GMDS: variants seen among roughly 807,000 people sequenced by gnomAD.
GMDS encodes the protein GDP-mannose 4,6-dehydratase.
Under a neutral mutation model 49.9 loss-of-function variants are expected in GMDS, and 20 were observed. The observed-to-expected ratio is 0.40, with a 90% CI of 0.28 to 0.58. The LOEUF (loss-of-function observed/expected upper bound fraction) is 0.58. GMDS is among the 20% of genes least tolerant of loss of function. The pLI is 0.42. For missense variants in GMDS, 362 were observed against 481.4 expected, an observed-to-expected ratio of 0.75 and a Z score of 2.32; for synonymous variants, 177 against 178.6, an observed-to-expected ratio of 0.99 and a Z score of 0.07.
intron 7 of GMDS, among the ~76,000 whole-genome samples, chr6:1,860,518 G>A (rs1177148977): frequency 1.3e-5 from 2 of 152,170 alleles, no homozygotes; most frequent in Admixed American, 1.3e-4. Flanking sequence ...GTGCAAGATG[G>A]ATTGTTCTAT....
At chr6:2,089,342 C>T (rs193167417) in intron 4 of GMDS, among the ~76,000 whole-genome samples, 2 of 151,982 alleles carry the variant, frequency 1.3e-5, no homozygotes, top group African/African-American at 4.8e-5. Flanking sequence ...CTAAAAGGTT[C>T]TAACAATAGA....
At chr6:2,095,936 C>T (rs1318250005) in intron 4 of GMDS, among the ~76,000 whole-genome samples, 2 of 152,236 alleles carry the variant, frequency 1.3e-5, no homozygotes, top group East Asian at 1.9e-4. Context: ...TTAAGATTTA[C>T]GTTCTGTGAA....
chr6:1,772,365 T>A (rs1161647154), intron 7 of GMDS, among the ~76,000 whole-genome samples: 2 of 152,212 alleles, frequency 1.3e-5, no homozygotes, highest in African/African-American at 4.8e-5. Context: ...TCCTTTCTTT[T>A]AATCCCCAGA....
At chr6:1,672,508 T>C (rs978325378) in intron 9 of GMDS, among the ~76,000 whole-genome samples, 2 of 152,264 alleles carry the variant, frequency 1.3e-5, no homozygotes, top group Non-Finnish European at 2.9e-5. Flanking sequence ...CCACTATTTA[T>C]GTCTTTCAGA....
rs764176604 is a variant in GMDS, at chr6:2,191,817, C to T, written c.102+53504G>A. ...ACCATGGCAGGAAGCAGACAGGCTC[C>T]GGGGTGGAAGGGGGTAGGTCCCTGG... On this transcript the variant is annotated intron_variant, in intron 1 of 10. Coordinates refer to ENST00000380815, the MANE Select transcript of GMDS (RefSeq NM_001500.4). This position sits in a 1 kb window ranked among gnomAD's most constrained non-coding sequence, Gnocchi z 4.6. Among the ~76,000 whole-genome samples, 3 of 152,162 alleles carry T rather than the reference C, an allele frequency of 2.0e-5. No homozygotes were observed. The highest frequency in any genetic ancestry group is 4.8e-5 in the African/African-American group (2 of 41,444).
chr6:2,043,092 G>C (rs1054422604), intron 4 of GMDS, among the ~76,000 whole-genome samples: 5 of 152,104 alleles, frequency 3.3e-5, no homozygotes, highest in Admixed American at 2.0e-4. Context: ...AAGACAAAGG[G>C]GTCCTGCAGC....
intron 7 of GMDS, among the ~76,000 whole-genome samples, chr6:1,888,254 G>T (rs549374501): frequency 6.6e-6 from 1 of 151,300 alleles, no homozygotes; most frequent in African/African-American, 2.4e-5. Flanking sequence ...TAATTACTAA[G>T]ACTGGGTAAT....
At chr6:1,762,427 G>C (rs1039284667) in intron 7 of GMDS, among the ~76,000 whole-genome samples, 1 of 152,376 alleles carries the variant, frequency 6.6e-6, no homozygotes, top group East Asian at 1.9e-4. Flanking sequence ...GGCTGCCAGG[G>C]CAGGCTGGTA....
At chr6:1,875,307 T>A (rs1214837418) in intron 7 of GMDS, among the ~76,000 whole-genome samples, 1 of 134,410 alleles carries the variant, frequency 7.4e-6, no homozygotes, top group Non-Finnish European at 1.5e-5. Context: ...TTGAAGTCTT[T>A]TTTTGTATTT....
At chr6:2,174,456 A>C (rs1030436532) in intron 1 of GMDS, among the ~76,000 whole-genome samples, 5 of 152,304 alleles carry the variant, frequency 3.3e-5, no homozygotes, top group African/African-American at 7.2e-5. Flanking sequence ...GACCATGCTA[A>C]ATTTTTTAAA....
intron 7 of GMDS, among the ~76,000 whole-genome samples, chr6:1,806,206 G>A (rs533950685): frequency 6.6e-6 from 1 of 152,254 alleles, no homozygotes; most frequent in African/African-American, 2.4e-5. Context: ...CTCATACATT[G>A]GAGGAAGGAG....
chr6:2,079,128 A>AT (rs1487384066), intron 4 of GMDS, among the ~76,000 whole-genome samples: 1 of 141,762 alleles, frequency 7.1e-6, no homozygotes, highest in Non-Finnish European at 1.5e-5. Flanking sequence ...GTGTGGAGTA[A>AT]TTTTTTCCAT....
chr6:2,233,878 T>C (rs1457633123), intron 1 of GMDS, among the ~76,000 whole-genome samples: 1 of 152,152 alleles, frequency 6.6e-6, no homozygotes, highest in Non-Finnish European at 1.5e-5. Context: ...GGGATACAGT[T>C]TGTCGATCCT....
At chr6:2,202,348 T>G (rs1029074380) in intron 1 of GMDS, among the ~76,000 whole-genome samples, 34 of 151,248 alleles carry the variant, frequency 2.2e-4, no homozygotes, top group African/African-American at 7.8e-4. Context: ...ACATCCGAGA[T>G]GAAACCATCT....
At chr6:1,677,454 C>T (rs1264836679) in intron 9 of GMDS, among the ~76,000 whole-genome samples, 1 of 152,058 alleles carries the variant, frequency 6.6e-6, no homozygotes, top group Non-Finnish European at 1.5e-5. Context: ...GGGCATATAC[C>T]CACAGGATTA....
intron 9 of GMDS, among the ~76,000 whole-genome samples, chr6:1,655,931 C>T (rs1047200855): frequency 2.6e-5 from 4 of 152,214 alleles, no homozygotes; most frequent in African/African-American, 9.6e-5. Flanking sequence ...ATAATGTCCT[C>T]AGAGTCAGAA....
In GMDS at chr6:1,624,163, C is replaced by T. The variant is rs1418286029; in HGVS notation, c.*6G>A. On this transcript the variant is annotated 3_prime_UTR_variant, in exon 11 of 11. Coordinates refer to ENST00000380815, the MANE Select transcript of GMDS (RefSeq NM_001500.4). ...CCGGAGGGCGGGCCGGGCTCCGAGG[C>T]GCTGCTCAGGCATTGGGGTTTGTCC... The T allele has an allele frequency of 3.1e-6, 5 of 1,607,410 alleles. No individual in the cohort carries two copies. The highest frequency in any genetic ancestry group is 2.2e-5 in the East Asian group (1 of 44,856).
intron 1 of GMDS, among the ~76,000 whole-genome samples, chr6:2,167,410 G>T (rs1777721989): frequency 6.6e-6 from 1 of 151,874 alleles, no homozygotes; most frequent in Non-Finnish European, 1.5e-5. Flanking sequence ...TTCCTTACTG[G>T]TCATCACACC....
chr6:2,016,729 TCAA>T lies in GMDS; in HGVS notation c.346-55766_346-55764del, dbSNP rs1767924237. ...GATCGAAATAACAAAGAAAATACTCTCAACAACAATAGAATCAAACTATAAATC... is the reference window on the plus strand; with the variant it reads ...GATCGAAATAACAAAGAAAATACTCTCAACAATAGAATCAAACTATAAATC... On this transcript the variant is annotated intron_variant, in intron 4 of 10. Transcript: ENST00000380815. Among the ~76,000 whole-genome samples, 14 of 152,050 alleles carry T rather than the reference TCAA, an allele frequency of 9.2e-5. 1 individual carries two copies. The South Asian group carries it at 2.9e-3, about 32-fold the overall frequency.
Sources: gnomAD v4.1 joint callset for allele counts (sites outside exome capture counted in the v4.1 genomes callset) on GRCh38, gnomAD v4.1.1 for gene constraint, Gnocchi (gnomAD v3.1) non-coding constraint, MANE v1.5 for transcripts, NCBI Gene and HGNC (gene_info 2026-07-23, HGNC 2026-07-21) for gene names.